TTLL5: variants seen among roughly 807,000 people sequenced by gnomAD.
TTLL5 encodes tubulin tyrosine ligase like 5, also known as tubulin polyglutamylase TTLL5.
A neutral mutation model predicts 168.4 loss-of-function variants in TTLL5; 132 were observed. The ratio of observed to expected loss-of-function variants is 0.78; its 90% CI spans 0.68 to 0.91. TTLL5 has a LOEUF of 0.91. Among genes scored for constraint, TTLL5 ranks in the 40% least tolerant of loss-of-function variants. The pLI is 0.00. For synonymous variants in TTLL5, 546 were observed against 558.6 expected, an observed-to-expected ratio of 0.98 and a Z score of 0.32; for missense variants, 1,545 against 1,581.5, an observed-to-expected ratio of 0.98 and a Z score of 0.39.
chr14:75,785,129 C>G (rs1434750565), intron 26 of TTLL5, among the ~76,000 whole-genome samples: 2 of 148,158 alleles, frequency 1.3e-5, no homozygotes, highest in East Asian at 3.9e-4. Flanking sequence ...CTTTTGGTAT[C>G]ATGTCTGGAA....
At chr14:75,822,408 C>T (rs1415108677) in intron 28 of TTLL5, among the ~76,000 whole-genome samples, 17 of 152,146 alleles carry the variant, frequency 1.1e-4, no homozygotes, top group Admixed American at 1.1e-3. Flanking sequence ...ACTTTGATCT[C>T]CCTGGAAGTA....
chr14:75,918,928 C>T (rs1277063642), intron 31 of TTLL5, among the ~76,000 whole-genome samples: 4 of 152,008 alleles, frequency 2.6e-5, no homozygotes, highest in East Asian at 1.9e-4. Context: ...TCTGGCCAGT[C>T]GCAGTGGCTC....
At chr14:75,742,960 A>G (rs1594955660) in intron 15 of TTLL5, among the ~76,000 whole-genome samples, 1 of 152,154 alleles carries the variant, frequency 6.6e-6, no homozygotes, top group African/African-American at 2.4e-5. Context: ...CTACTGTTTA[A>G]TTTATTCCCA....
chr14:75,901,518 A>G (rs1484091953), intron 30 of TTLL5, among the ~76,000 whole-genome samples: 4 of 152,188 alleles, frequency 2.6e-5, no homozygotes, highest in Admixed American at 6.5e-5. Context: ...TCTTGCGATT[A>G]TTGACACCAT....
At chr14:75,842,747 A>G (rs1449992924) in intron 28 of TTLL5, among the ~76,000 whole-genome samples, 1 of 152,204 alleles carries the variant, frequency 6.6e-6, no homozygotes, top group Non-Finnish European at 1.5e-5. Flanking sequence ...GAGATTATTC[A>G]CGGTAATGGG....
At chr14:75,666,235 A>T (rs1394068034) in intron 2 of TTLL5, among the ~76,000 whole-genome samples, 1 of 152,250 alleles carries the variant, frequency 6.6e-6, no homozygotes, top group Non-Finnish European at 1.5e-5. Flanking sequence ...TGATCCAAAG[A>T]TGTATATCCA....
chr14:75,899,517 T>A (rs1232508963), intron 30 of TTLL5, among the ~76,000 whole-genome samples: 2 of 152,228 alleles, frequency 1.3e-5, no homozygotes, highest in African/African-American at 4.8e-5. Context: ...AGTGTTTCCA[T>A]GGAAAAATTC....
At chr14:75,802,373 A>G (rs2140369927) in intron 27 of TTLL5, among the ~76,000 whole-genome samples, 1 of 152,246 alleles carries the variant, frequency 6.6e-6, no homozygotes, top group South Asian at 2.1e-4. Flanking sequence ...TCTATCTTTA[A>G]TTGGCTTTCT....
rs1889336345 is a variant in TTLL5 at position 75,742,497 on chromosome 14, G to A, written c.1282-2598G>A. On this transcript the variant is annotated intron_variant, in intron 15 of 31. Transcript: ENST00000298832. ...TGCAACTTCCGCTTCCAGGGTCCAAGCGATTCTCTTGCCTCAGCCTCTCAC... is the reference window on the plus strand; with the variant it reads ...TGCAACTTCCGCTTCCAGGGTCCAAACGATTCTCTTGCCTCAGCCTCTCAC... 2.0e-5 allele frequency among the ~76,000 whole-genome samples: 3 copies of A among 152,328 alleles called. No individual in the cohort carries two copies. In the South Asian group the frequency reaches 6.2e-4, roughly 32 times the overall value.
chr14:75,862,139 A>G (rs574207258), intron 28 of TTLL5, among the ~76,000 whole-genome samples: 39 of 152,328 alleles, frequency 2.6e-4, no homozygotes, highest in African/African-American at 8.9e-4. Flanking sequence ...TATTTCACTT[A>G]GCATAATGTC....
intron 31 of TTLL5, among the ~76,000 whole-genome samples, chr14:75,951,296 C>T (rs2034953633): frequency 6.6e-6 from 1 of 152,000 alleles, no homozygotes; most frequent in Non-Finnish European, 1.5e-5. Flanking sequence ...TGCAAGTAAG[C>T]CATGATCATG....
At chr14:75,895,310 A>G (rs887039299) in intron 30 of TTLL5, among the ~76,000 whole-genome samples, 2 of 152,196 alleles carry the variant, frequency 1.3e-5, no homozygotes, top group African/African-American at 4.8e-5. Context: ...TTACAACCCA[A>G]TTATGAATCA....
intron 3 of TTLL5, among the ~76,000 whole-genome samples, chr14:75,675,301 C>A (rs1454202670): frequency 1.3e-5 from 2 of 152,176 alleles, no homozygotes; most frequent in South Asian, 2.1e-4. Context: ...TTCTACAAGT[C>A]AAAAATGTCA....
chr14:75,853,616 A>G (rs1481374453), intron 28 of TTLL5, among the ~76,000 whole-genome samples: 3 of 152,284 alleles, frequency 2.0e-5, no homozygotes, highest in African/African-American at 7.2e-5. Flanking sequence ...AAGTTATTTT[A>G]TAGCTAAAAT....
At chr14:75,902,352 T>C in intron 31 of TTLL5, 128 bp downstream of exon 31, 1 of 984,260 alleles carries the variant, frequency 1.0e-6, no homozygotes. Context: ...TCTCAAAACA[T>C]TGGCAAATGG....
chr14:75,790,314 AAGAT>A (rs1005565177), intron 26 of TTLL5, among the ~76,000 whole-genome samples: 8 of 152,166 alleles, frequency 5.3e-5, no homozygotes, highest in African/African-American at 1.2e-4. Flanking sequence ...CAATAAGAAA[AAGAT>A]AGCCCAATAG....
chr14:75,844,032 A>G (rs1394007641), intron 28 of TTLL5, among the ~76,000 whole-genome samples: 2 of 151,734 alleles, frequency 1.3e-5, no homozygotes, highest in African/African-American at 2.4e-5. Context: ...AGCTGGGTCT[A>G]CCACTACTCC....
intron 26 of TTLL5, among the ~76,000 whole-genome samples, chr14:75,788,651 A>G (rs1892517226): frequency 6.6e-6 from 1 of 152,208 alleles, no homozygotes; most frequent in Non-Finnish European, 1.5e-5. Flanking sequence ...GCCTAGATTT[A>G]TGGGTAAGTT....
chr14:75,904,202 C>CAA (rs562877528), intron 31 of TTLL5: 1,108 of 981,390 alleles, frequency 1.1e-3, no homozygotes, highest in South Asian at 4.6e-3. Flanking sequence ...CTCACTCCTC[C>CAA]AAAAAAAAAA....
Sources: allele counts gnomAD v4.1 joint callset (sites outside exome capture counted in the v4.1 genomes callset), GRCh38; gene constraint gnomAD v4.1.1; transcripts MANE v1.5; gene names NCBI Gene and HGNC (gene_info 2026-07-23, HGNC 2026-07-21).